Variants in CNTNAP2 observed in about 807,000 individuals in gnomAD.
CNTNAP2 encodes the protein contactin-associated protein-like 2.
Under a neutral mutation model 155.2 loss-of-function variants are expected in CNTNAP2, and 98 were observed. That is an observed-to-expected ratio of 0.63 (90% CI 0.54 to 0.75). CNTNAP2 has a LOEUF of 0.75. CNTNAP2 is among the 30% of genes least tolerant of loss of function. The probability of loss-of-function intolerance (pLI) is 0.00; values close to 1 mark genes in which losing one functional copy is unlikely to be tolerated. For missense variants in CNTNAP2, 1,727 were observed against 1,688.1 expected (o/e 1.02, Z -0.40); for synonymous variants, 651 against 631.2 (o/e 1.03, Z -0.47).
chr7:146,518,504 C>A (rs964572695), intron 1 of CNTNAP2, among the ~76,000 whole-genome samples: 6 of 151,704 alleles, frequency 4.0e-5, no homozygotes, highest in Non-Finnish European at 5.9e-5. Flanking sequence ...CCTGAGTCAC[C>A]TAAATCTTCC....
intron 1 of CNTNAP2, among the ~76,000 whole-genome samples, chr7:146,732,161 T>C (rs1426212686): frequency 6.6e-6 from 1 of 152,160 alleles, no homozygotes; most frequent in East Asian, 1.9e-4. Context: ...CAAAACAGTT[T>C]GTAGAAGCTA....
At chr7:147,852,430 C>G (rs781735679) in intron 13 of CNTNAP2, among the ~76,000 whole-genome samples, 1 of 152,124 alleles carries the variant, frequency 6.6e-6, no homozygotes, top group Non-Finnish European at 1.5e-5. Context: ...TTAGATGAGA[C>G]AAAACCCATA....
At chr7:148,298,443 T>C (rs1452004679) in intron 21 of CNTNAP2, among the ~76,000 whole-genome samples, 1 of 152,050 alleles carries the variant, frequency 6.6e-6, no homozygotes, top group Non-Finnish European at 1.5e-5. Flanking sequence ...TCAAGAACTA[T>C]CTTTCTAATT....
At chr7:147,093,491 A>C (rs1800458901) in intron 4 of CNTNAP2, among the ~76,000 whole-genome samples, 1 of 152,172 alleles carries the variant, frequency 6.6e-6, no homozygotes, top group African/African-American at 2.4e-5. Context: ...TGTGCTATAA[A>C]GTTGCCAGGA....
chr7:146,783,956 G>T (rs1369409594), intron 2 of CNTNAP2, among the ~76,000 whole-genome samples: 1 of 152,082 alleles, frequency 6.6e-6, no homozygotes, highest in Admixed American at 6.6e-5. Context: ...TTTCAATGGG[G>T]TTTCTTTAAT....
At chr7:146,920,343 T>A (rs1796476697) in intron 3 of CNTNAP2, among the ~76,000 whole-genome samples, 1 of 151,706 alleles carries the variant, frequency 6.6e-6, no homozygotes, top group Admixed American at 6.6e-5. Context: ...GAAACTGGGA[T>A]GCGGAGGTTG....
chr7:146,197,795 G>C (rs375668227), intron 1 of CNTNAP2, among the ~76,000 whole-genome samples: 3 of 151,940 alleles, frequency 2.0e-5, no homozygotes, highest in African/African-American at 7.3e-5. Context: ...ATTAAAAGCC[G>C]GTTTCTTGAG....
intron 1 of CNTNAP2, among the ~76,000 whole-genome samples, chr7:146,467,104 C>A (rs893882434): frequency 6.6e-6 from 1 of 152,086 alleles, no homozygotes; most frequent in African/African-American, 2.4e-5. Flanking sequence ...AGACTTCCAT[C>A]ATTCAAGTAG....
At chr7:147,785,139 A>T (rs1797721011) in intron 13 of CNTNAP2, among the ~76,000 whole-genome samples, 1 of 152,160 alleles carries the variant, frequency 6.6e-6, no homozygotes, top group Non-Finnish European at 1.5e-5. Context: ...TGAGACATAA[A>T]TTTTGAGGTT....
intron 8 of CNTNAP2, among the ~76,000 whole-genome samples, chr7:147,224,887 T>A (rs1803486508): frequency 6.6e-6 from 1 of 152,160 alleles, no homozygotes; most frequent in South Asian, 2.1e-4. Flanking sequence ...GTTTCTTGAT[T>A]TTGTTTTTTT....
chr7:147,596,472 T>C (rs1276299044), intron 12 of CNTNAP2, among the ~76,000 whole-genome samples: 2 of 152,082 alleles, frequency 1.3e-5, no homozygotes, highest in Non-Finnish European at 2.9e-5. Flanking sequence ...TTCGATTGTT[T>C]TGCTTCCCTG....
chr7:146,362,281 C>T (rs947384003), intron 1 of CNTNAP2, among the ~76,000 whole-genome samples: 5 of 151,994 alleles, frequency 3.3e-5, no homozygotes, highest in East Asian at 1.9e-4. Context: ...TACATTCTAA[C>T]GAGAAAAACG....
At chr7:147,008,052 T>C (rs1357033473) in intron 3 of CNTNAP2, among the ~76,000 whole-genome samples, 1 of 152,158 alleles carries the variant, frequency 6.6e-6, no homozygotes, top group African/African-American at 2.4e-5. Context: ...TATTATCCAC[T>C]AAGGAAACAC....
At chr7:146,454,637 T>A (rs1040448916) in intron 1 of CNTNAP2, among the ~76,000 whole-genome samples, 6 of 151,882 alleles carry the variant, frequency 4.0e-5, no homozygotes, top group Admixed American at 6.6e-5. Context: ...AAAATAGGTA[T>A]ACATGAATAC....
intron 2 of CNTNAP2, among the ~76,000 whole-genome samples, chr7:146,815,737 T>G (rs899614801): frequency 1.3e-5 from 2 of 151,432 alleles, no homozygotes; most frequent in African/African-American, 2.4e-5. Flanking sequence ...GTTTTGAAGA[T>G]TAAATGTAGT....
At chr7:146,242,559 A>T (rs1264675791) in intron 1 of CNTNAP2, among the ~76,000 whole-genome samples, 3 of 151,974 alleles carry the variant, frequency 2.0e-5, no homozygotes, top group African/African-American at 4.8e-5. Flanking sequence ...AGGAGAGAAA[A>T]AGAAAAAACA....
chr7:147,150,851 G>A (rs886997676), intron 8 of CNTNAP2, among the ~76,000 whole-genome samples: 1 of 152,124 alleles, frequency 6.6e-6, no homozygotes, highest in Non-Finnish European at 1.5e-5. Flanking sequence ...TACTTGGAAT[G>A]ACTATTGAGG....
chr7:147,116,943 G>A (rs1192559670), intron 5 of CNTNAP2, among the ~76,000 whole-genome samples: 1 of 152,158 alleles, frequency 6.6e-6, no homozygotes, highest in African/African-American at 2.4e-5. Flanking sequence ...AGGCCCAGTC[G>A]ACCAAATAGC....
chr7:146,149,333 A>G (rs1457021116), intron 1 of CNTNAP2, among the ~76,000 whole-genome samples: 1 of 152,178 alleles, frequency 6.6e-6, no homozygotes, highest in African/African-American at 2.4e-5. Context: ...ATAGGATTCA[A>G]ATTCATATTT....
Sources: allele counts gnomAD v4.1 joint callset (sites outside exome capture counted in the v4.1 genomes callset), GRCh38; gene constraint gnomAD v4.1.1; transcripts MANE v1.5; gene names NCBI Gene and HGNC (gene_info 2026-07-23, HGNC 2026-07-21).